Variants in RBM26 observed in about 807,000 individuals in gnomAD.
The protein encoded by RBM26 is RNA-binding protein 26.
RBM26 carries 30 observed loss-of-function variants against 123.6 expected under a neutral mutation model. The ratio of observed to expected loss-of-function variants is 0.24; its 90% CI spans 0.18 to 0.33. RBM26 has a LOEUF of 0.33. Ranked by LOEUF, RBM26 falls within the 10% of genes least tolerant of loss-of-function variation. The pLI, the probability that RBM26 is intolerant of heterozygous loss-of-function variation, is 1.00. For synonymous variants in RBM26, 400 were observed against 404.4 expected (o/e 0.99, Z 0.13); for missense variants, 947 against 1,203.6 (o/e 0.79, Z 3.15).
intron 18 of RBM26, among the ~76,000 whole-genome samples, chr13:79,337,885 C>T (rs2070713807): frequency 1.3e-5 from 2 of 152,186 alleles, no homozygotes; most frequent in Non-Finnish European, 2.9e-5. Context: ...AGTCTTTACC[C>T]TCATGAAACC....
intron 19 of RBM26, among the ~76,000 whole-genome samples, chr13:79,335,542 AT>A (rs1223475787): frequency 1.3e-5 from 2 of 151,984 alleles, no homozygotes; most frequent in South Asian, 2.1e-4. Context: ...AATAATGTAA[AT>A]TTTTTTTCCT....
At chr13:79,339,151 A>G (rs958596466) in intron 18 of RBM26, among the ~76,000 whole-genome samples, 4 of 152,212 alleles carry the variant, frequency 2.6e-5, no homozygotes, top group African/African-American at 4.8e-5. Flanking sequence ...CAAGTGAAAT[A>G]AGCCAGGCAA....
At chr13:79,367,962 G>T (rs58082220) in intron 6 of RBM26, among the ~76,000 whole-genome samples, 9,020 of 151,866 alleles carry the variant, frequency 0.059, 524 homozygotes, top group African/African-American at 0.15. Context: ...TGCAATGATG[G>T]CTTTAATACT....
At chr13:79,368,225 A>C (rs1028034714) in intron 6 of RBM26, among the ~76,000 whole-genome samples, 12 of 152,058 alleles carry the variant, frequency 7.9e-5, no homozygotes, top group African/African-American at 2.7e-4. Context: ...GGGGTTGCAT[A>C]CCATGTTAGC....
chr13:79,353,455 G>C (rs1482681450), intron 13 of RBM26, among the ~76,000 whole-genome samples: 1 of 152,134 alleles, frequency 6.6e-6, no homozygotes, highest in East Asian at 1.9e-4. Flanking sequence ...TAAGAGGTCT[G>C]AGCCACGTGG....
At chr13:79,381,131 T>TATTG (rs997566733) in intron 1 of RBM26, among the ~76,000 whole-genome samples, 1 of 152,044 alleles carries the variant, frequency 6.6e-6, no homozygotes, top group Non-Finnish European at 1.5e-5. Flanking sequence ...TTACATACTA[T>TATTG]ATTGGGCTCT....
intron 1 of RBM26, among the ~76,000 whole-genome samples, chr13:79,380,103 T>C (rs1209493822): frequency 6.6e-6 from 1 of 152,182 alleles, no homozygotes; most frequent in African/African-American, 2.4e-5. Flanking sequence ...CATCTACGAA[T>C]TTATTCTACA....
chr13:79,401,115 G>A (rs1458426027), intron 1 of RBM26, among the ~76,000 whole-genome samples: 1 of 152,088 alleles, frequency 6.6e-6, no homozygotes, highest in African/African-American at 2.4e-5. Context: ...CAAAAGTTCA[G>A]GAGTAAAAAG....
intron 15 of RBM26, 68 bp from the exon 16 acceptor site, chr13:79,344,390 G>T: frequency 2.4e-6 from 3 of 1,242,138 alleles, no homozygotes; most frequent in Non-Finnish European, 3.5e-6. Flanking sequence ...CAAGAGAAGA[G>T]AAATAGTTGT....
In RBM26 at chr13:79,319,300, A is replaced by C; in HGVS notation, c.*1321T>G. The C allele has an allele frequency of 1.0e-6, 1 of 982,890 alleles. No individual in the cohort carries two copies. The highest frequency in any genetic ancestry group is 1.2e-6 in the Non-Finnish European group (1 of 827,816). The allele number at this position is 982,890 out of a possible 1,614,324, so 60.9% of individuals were successfully genotyped here. Reference sequence around the variant, plus strand: ...AATATTATCACTATAATCTCAAGAGAGGCAGAAACACTTGCAATCAAAATG... The same window carrying C: ...AATATTATCACTATAATCTCAAGAGCGGCAGAAACACTTGCAATCAAAATG... On this transcript the variant is annotated 3_prime_UTR_variant, in exon 22 of 22. Transcript: ENST00000438737.
At chr13:79,330,038 A>C (rs2069052100) in intron 20 of RBM26, among the ~76,000 whole-genome samples, 2 of 152,230 alleles carry the variant, frequency 1.3e-5, no homozygotes, top group Admixed American at 6.5e-5. Context: ...TAGCGAGTGA[A>C]ATATAGATGA....
At chr13:79,387,965 C>G (rs1486208493) in intron 1 of RBM26, among the ~76,000 whole-genome samples, 8 of 152,206 alleles carry the variant, frequency 5.3e-5, no homozygotes, top group Non-Finnish European at 1.5e-5. Context: ...GATAACTATG[C>G]CTGCCTTTTC....
At chr13:79,401,329 CT>C in intron 1 of RBM26, among the ~76,000 whole-genome samples, 1 of 152,262 alleles carries the variant, frequency 6.6e-6, no homozygotes, top group Non-Finnish European at 1.5e-5. Flanking sequence ...GTAGCCAATA[CT>C]ATCAAAATGT....
At chr13:79,327,531 T>G (rs1183049816) in intron 20 of RBM26, among the ~76,000 whole-genome samples, 1 of 150,276 alleles carries the variant, frequency 6.7e-6, no homozygotes, top group Middle Eastern at 3.2e-3. Flanking sequence ...GGTAAAACTA[T>G]GTTTAACCAA....
At chr13:79,339,511 T>G (rs561899903) in intron 18 of RBM26, among the ~76,000 whole-genome samples, 2 of 152,244 alleles carry the variant, frequency 1.3e-5, no homozygotes, top group Admixed American at 1.3e-4. Context: ...ATCAAAACAT[T>G]TTGGATTATC....
chr13:79,382,430 C>T lies in RBM26; in HGVS notation c.72-3523G>A, dbSNP rs572876123. ...GCAGACCTGAAATTGCCTTATAGAT[C>T]GGGGAAAAAAAGAATCAAGTTTTGA... is the stretch of plus-strand genomic sequence containing the variant. On this transcript the variant is annotated intron_variant, in intron 1 of 21. Coordinates refer to ENST00000438737, the MANE Select transcript of RBM26 (RefSeq NM_001366735.2). 2.6e-3 allele frequency among the ~76,000 whole-genome samples: 393 copies of T among 151,920 alleles called. 2 individuals are homozygous for T. The highest frequency in any genetic ancestry group is 9.1e-3 in the African/African-American group (377 of 41,428).
intron 18 of RBM26, 32 bp from the exon 19 acceptor site, chr13:79,337,334 T>C (rs749581321): frequency 2.4e-5 from 38 of 1,610,602 alleles, no homozygotes; most frequent in Non-Finnish European, 3.0e-5. Context: ...GGTTAAACAA[T>C]GCTGTGATTA....
chr13:79,355,190 C>T lies in RBM26; in HGVS notation c.1854+30G>A, dbSNP rs375298482. ...TATGCTAAGAGCTTTCTAAGAAATG[C>T]GCGTACTTTTACACAAATTCCTCTC... is the stretch of plus-strand genomic sequence containing the variant. On this transcript the variant is annotated intron_variant, in intron 12 of 21. Coordinates refer to ENST00000438737, the MANE Select transcript of RBM26 (RefSeq NM_001366735.2). 5.5e-5 allele frequency: 88 copies of T among 1,602,030 alleles called. No homozygotes were observed. In the Middle Eastern group the frequency reaches 1.2e-3, roughly 21 times the overall value.
chr13:79,324,933 C>T (rs1005400715), intron 20 of RBM26, among the ~76,000 whole-genome samples: 1 of 151,874 alleles, frequency 6.6e-6, no homozygotes, highest in African/African-American at 2.4e-5. Context: ...CTTTGTGATC[C>T]ATTAAAATCC....
Sources: gnomAD v4.1 joint callset for allele counts (sites outside exome capture counted in the v4.1 genomes callset) on GRCh38, gnomAD v4.1.1 for gene constraint, MANE v1.5 for transcripts, NCBI Gene and HGNC (gene_info 2026-07-23, HGNC 2026-07-21) for gene names.